Variants in STK32B observed in about 807,000 individuals in gnomAD.
STK32B encodes serine/threonine-protein kinase 32B.
A neutral mutation model predicts 52.6 loss-of-function variants in STK32B; 43 were observed. That is an observed-to-expected ratio of 0.82 (90% CI 0.64 to 1.05). The LOEUF is 1.05. Among genes scored for constraint, STK32B ranks in the 50% least tolerant of loss-of-function variants. The pLI, the probability that STK32B is intolerant of heterozygous loss-of-function variation, is 0.00. For missense variants in STK32B, 621 were observed against 534.6 expected (o/e 1.16, Z -1.59); for synonymous variants, 238 against 204.3 (o/e 1.17, Z -1.41).
chr4:5,274,895 C>G (rs538654112), intron 3 of STK32B, among the ~76,000 whole-genome samples: 4 of 152,200 alleles, frequency 2.6e-5, no homozygotes, highest in Non-Finnish European at 5.9e-5. Context: ...AGCGAGGCGC[C>G]CATTGCCACT....
At chr4:5,296,559 A>G (rs998379298) in intron 3 of STK32B, among the ~76,000 whole-genome samples, 2 of 152,006 alleles carry the variant, frequency 1.3e-5, no homozygotes, top group Non-Finnish European at 2.9e-5. Flanking sequence ...TTTACAGACT[A>G]TTTTATCAGA....
chr4:5,073,835 C>A (rs1040580311), intron 1 of STK32B, among the ~76,000 whole-genome samples: 1 of 151,854 alleles, frequency 6.6e-6, no homozygotes, highest in Non-Finnish European at 1.5e-5. Context: ...TCTGAAAAGT[C>A]AGCCATTATT....
Position 5,368,368 on chromosome 4 carries a change from T to G in STK32B, c.435-29839T>G, listed in dbSNP as rs576559814. 3.1e-5 allele frequency among the ~76,000 whole-genome samples: 4 copies of G among 129,802 alleles called. No individual in the cohort carries two copies. The East Asian group carries it at 6.5e-4, about 21-fold the overall frequency. The allele number at this position is 129,802 out of a possible 152,430, so 85.2% of individuals were successfully genotyped here. A position where few individuals can be genotyped will look rare whatever the true frequency, so the allele number is the denominator to read the frequency against. On this transcript the variant is annotated intron_variant, in intron 4 of 11. Transcript: ENST00000282908. The stretch of plus-strand genomic sequence containing the variant: ...CTCACACAACGTCATGAGTTAGGTC[T>G]ACTATTATTCCTAATTATAAATGAT...
chr4:5,468,638 C>T (rs575310194), intron 11 of STK32B, among the ~76,000 whole-genome samples: 128 of 152,170 alleles, frequency 8.4e-4, no homozygotes, highest in Non-Finnish European at 1.5e-3. Flanking sequence ...CCTCAGCAGC[C>T]TGGGATGGGA....
At chr4:5,315,682 C>CTT (rs199584251) in intron 3 of STK32B, among the ~76,000 whole-genome samples, 3,462 of 120,478 alleles carry the variant, frequency 0.029, 161 homozygotes, top group African/African-American at 0.094. Flanking sequence ...TTTTCTTTTT[C>CTT]TTTTTTTTTT....
intron 11 of STK32B, among the ~76,000 whole-genome samples, chr4:5,491,634 T>C (rs1366364961): frequency 1.3e-5 from 2 of 152,130 alleles, no homozygotes; most frequent in African/African-American, 4.8e-5. Context: ...TTTGGTGTTT[T>C]AGACATGAAG....
At chr4:5,075,747 GGTT>G (rs1296088229) in intron 1 of STK32B, among the ~76,000 whole-genome samples, 2 of 145,978 alleles carry the variant, frequency 1.4e-5, no homozygotes, top group Non-Finnish European at 3.1e-5. Flanking sequence ...TTCAAGAACA[GGTT>G]TTTTTCTTTA....
In STK32B at chr4:5,309,999, C is replaced by G. The variant is rs936375939; in HGVS notation, c.261-21221C>G. ...TGGCCAGCATGGTGAAACCTCATCT[C>G]TACTAAAAATACAAAAATTAGCCGG... is the stretch of plus-strand genomic sequence containing the variant. On this transcript the variant is annotated intron_variant, in intron 3 of 11. Transcript: ENST00000282908. Among the ~76,000 whole-genome samples, 10 of 152,084 alleles carry G rather than the reference C, an allele frequency of 6.6e-5. 1 individual carries two copies. The highest frequency in any genetic ancestry group is 2.4e-4 in the African/African-American group (10 of 41,416).
At chr4:5,436,375 C>T (rs1001115188) in intron 6 of STK32B, among the ~76,000 whole-genome samples, 3 of 151,726 alleles carry the variant, frequency 2.0e-5, no homozygotes, top group Non-Finnish European at 4.4e-5. Context: ...CACTTAGATG[C>T]GAGAGAACTA....
the STK32B span, among the ~76,000 whole-genome samples, chr4:5,043,591 AG>A: frequency 6.6e-6 from 1 of 152,194 alleles, no homozygotes; most frequent in African/African-American, 2.4e-5. Flanking sequence ...TACTTACTCC[AG>A]GCCAGGAGGG....
At position 5,058,802 on chromosome 4, in the gene STK32B, G is replaced by A. The variant is rs1257000718; in HGVS notation, c.52+6887G>A. ...CTCTCTCTCTGTCTCCCAGGATGGA[G>A]TGCAGTGGCGTGGTATCAGCTCACT... On this transcript the variant is annotated intron_variant, in intron 1 of 11. Transcript: ENST00000282908. This position sits in a 1 kb window ranked among gnomAD's most constrained non-coding sequence, Gnocchi z 4.8. Among the ~76,000 whole-genome samples the A allele has an allele frequency of 6.6e-6, 1 of 152,080 alleles. No individual in the cohort carries two copies. Among genetic ancestry groups the A allele is most frequent in the East Asian group, 1.9e-4 (1 of 5,184 alleles).
intron 3 of STK32B, among the ~76,000 whole-genome samples, chr4:5,177,403 C>G (rs918221705): frequency 6.6e-5 from 10 of 152,150 alleles, no homozygotes; most frequent in African/African-American, 2.4e-4. Context: ...AGGTCCCTCC[C>G]ATGACATGTG....
At chr4:5,164,601 T>C (rs1718725064) in intron 2 of STK32B, among the ~76,000 whole-genome samples, 1 of 152,222 alleles carries the variant, frequency 6.6e-6, no homozygotes, top group Non-Finnish European at 1.5e-5. Context: ...GGTGGCAGCA[T>C]GGTCAGATTC....
intron 3 of STK32B, among the ~76,000 whole-genome samples, chr4:5,246,402 G>C (rs530221146): frequency 8.5e-5 from 13 of 152,182 alleles, no homozygotes; most frequent in African/African-American, 2.2e-4. Context: ...CGTAGTTCTT[G>C]TGCCTTGGTT....
intron 3 of STK32B, among the ~76,000 whole-genome samples, chr4:5,319,315 C>T (rs561495995): frequency 1.3e-5 from 2 of 152,274 alleles, no homozygotes; most frequent in African/African-American, 4.8e-5. Flanking sequence ...CTGAATAGGG[C>T]TCATCACTGC....
At chr4:5,421,381 T>C (rs7669916) in intron 6 of STK32B, among the ~76,000 whole-genome samples, 3,970 of 151,700 alleles carry the variant, frequency 0.026, 151 homozygotes, top group African/African-American at 0.09. Context: ...TGAGCCACCA[T>C]GCCTGGCTAA....
chr4:5,193,250 G>A (rs188733222), intron 3 of STK32B, among the ~76,000 whole-genome samples: 1 of 152,222 alleles, frequency 6.6e-6, no homozygotes, highest in East Asian at 1.9e-4. Flanking sequence ...CTGCTCTGCA[G>A]GACTGGGCCT....
chr4:5,373,125 A>C (rs927570650), intron 4 of STK32B, among the ~76,000 whole-genome samples: 2 of 152,200 alleles, frequency 1.3e-5, no homozygotes, highest in African/African-American at 4.8e-5. Context: ...GTGGGACTCA[A>C]ACAGAAAACA....
At chr4:5,376,679 C>G (rs78558184) in intron 4 of STK32B, among the ~76,000 whole-genome samples, 2,187 of 152,256 alleles carry the variant, frequency 0.014, 37 homozygotes, top group East Asian at 0.083. Context: ...GCAGAGGACC[C>G]CCAGGATATT....
Sources: gnomAD v4.1 joint callset for allele counts (sites outside exome capture counted in the v4.1 genomes callset) on GRCh38, gnomAD v4.1.1 for gene constraint, Gnocchi (gnomAD v3.1) non-coding constraint, MANE v1.5 for transcripts, NCBI Gene and HGNC (gene_info 2026-07-23, HGNC 2026-07-21) for gene names.